VCL: variants seen among roughly 807,000 people sequenced by gnomAD.
VCL encodes vinculin, also known as epididymis luminal protein 114.
In VCL, 47 loss-of-function variants were observed where a neutral mutation model predicts 125.7. The ratio of observed to expected loss-of-function variants is 0.37; its 90% CI spans 0.30 to 0.48. The LOEUF (loss-of-function observed/expected upper bound fraction) is 0.48, where lower values mean the gene tolerates loss of function less well. Among genes scored for constraint, VCL ranks in the 20% least tolerant of loss-of-function variants. The pLI, the probability that VCL is intolerant of heterozygous loss-of-function variation, is 0.99. For synonymous variants in VCL, 458 were observed against 514.6 expected (o/e 0.89, Z 1.49); for missense variants, 1,069 against 1,455.5 (o/e 0.73, Z 4.32).
intron 1 of VCL, among the ~76,000 whole-genome samples, chr10:74,032,102 G>T (rs1165437598): frequency 6.8e-6 from 1 of 147,334 alleles, no homozygotes; most frequent in African/African-American, 2.5e-5. Context: ...AGCCGGGTGT[G>T]GTTGTATACA....
intron 21 of VCL, among the ~76,000 whole-genome samples, chr10:74,115,684 G>C (rs1840301587): frequency 6.6e-6 from 1 of 152,240 alleles, no homozygotes; most frequent in South Asian, 2.1e-4. Flanking sequence ...AGGATGAATA[G>C]TGCAGGCTTT....
chr10:74,046,587 C>G (rs1841200282), intron 2 of VCL, among the ~76,000 whole-genome samples: 1 of 152,208 alleles, frequency 6.6e-6, no homozygotes, highest in African/African-American at 2.4e-5. Flanking sequence ...GTCAACTAAA[C>G]ATATTATAAT....
chr10:74,072,210 T>C (rs1841671958), intron 4 of VCL, among the ~76,000 whole-genome samples: 1 of 152,218 alleles, frequency 6.6e-6, no homozygotes, highest in Admixed American at 6.5e-5. Context: ...TTTTATAATA[T>C]TTCTATTTGT....
downstream of VCL, chr10:74,120,470 CACT>C (rs1224974874): frequency 6.6e-6 from 1 of 152,188 alleles, no homozygotes; most frequent in Non-Finnish European, 1.5e-5. Context: ...TGGAGACCAC[CACT>C]GTTCCCCGAA....
At chr10:74,062,328 G>C (rs145441998) in intron 2 of VCL, among the ~76,000 whole-genome samples, 96 of 149,502 alleles carry the variant, frequency 6.4e-4, no homozygotes, top group African/African-American at 2.3e-3. Flanking sequence ...GCCTCCCAAA[G>C]TGCTAGGATT....
intron 15 of VCL, chr10:74,104,822 C>T (rs887602260): frequency 1.6e-5 from 9 of 569,312 alleles, no homozygotes; most frequent in African/African-American, 1.9e-5. Flanking sequence ...CTGGCAACCA[C>T]GGTTGGTATA....
intron 6 of VCL, among the ~76,000 whole-genome samples, chr10:74,082,086 C>G (rs1193345723): frequency 6.6e-6 from 1 of 152,142 alleles, no homozygotes; most frequent in African/African-American, 2.4e-5. Flanking sequence ...TTTGGCAAGG[C>G]TGCAGTAGAT....
intron 14 of VCL, among the ~76,000 whole-genome samples, chr10:74,101,511 T>C (rs1298130076): frequency 6.6e-6 from 1 of 151,656 alleles, no homozygotes; most frequent in Admixed American, 6.6e-5. Context: ...TTCATAACAT[T>C]TGAATTTTTT....
intron 8 of VCL, among the ~76,000 whole-genome samples, chr10:74,088,272 T>G (rs1361878686): frequency 6.6e-6 from 1 of 152,154 alleles, no homozygotes; most frequent in Non-Finnish European, 1.5e-5. Flanking sequence ...ATAGGGAAAG[T>G]AAATAGAGAA....
At position 74,066,497 on chromosome 10, in the gene VCL, T is replaced by C. The variant is rs570881400; in HGVS notation, c.240-4173T>C. Among the ~76,000 whole-genome samples the C allele has an allele frequency of 9.9e-5, 15 of 152,206 alleles. No homozygotes were observed. The East Asian group carries it at 1.2e-3, about 12-fold the overall frequency. ...GTATGATTCCGCTTAAGTTCCAATA[T>C]AGGCAGAACTCAACAAAAAATTGCT... On this transcript the variant is annotated intron_variant, in intron 2 of 21. Coordinates refer to ENST00000211998, the MANE Select transcript of VCL (RefSeq NM_014000.3).
downstream of VCL, chr10:74,120,929 C>A (rs75145986): frequency 6.6e-6 from 1 of 152,270 alleles, no homozygotes; most frequent in East Asian, 1.9e-4. Flanking sequence ...TCCTCTTCTT[C>A]CTTAAAGAAA....
At chr10:74,089,409 A>G in intron 9 of VCL, 60 bp downstream of exon 9, 3 of 1,603,708 alleles carry the variant, frequency 1.9e-6, no homozygotes, top group Non-Finnish European at 2.5e-6. Context: ...TAAGTCATAA[A>G]TATCCTATCT....
At chr10:74,083,960 G>A (rs560594160) in intron 8 of VCL, among the ~76,000 whole-genome samples, 2 of 151,742 alleles carry the variant, frequency 1.3e-5, no homozygotes, top group East Asian at 1.9e-4. Context: ...CTCCAGCTCC[G>A]TGGTTCAAGC....
chr10:74,101,625 G>A (rs1474814612), intron 14 of VCL, among the ~76,000 whole-genome samples: 2 of 131,994 alleles, frequency 1.5e-5, no homozygotes, highest in African/African-American at 3.1e-5. Flanking sequence ...GCGCAATCTC[G>A]GCTCACTGCA....
In VCL at chr10:74,094,296, C is replaced by T. The variant is rs1335966343; in HGVS notation, c.1378C>T (p.Arg460Ter). ...GGGGAAAGGAGATTCTCCAGAGGCTCGAGCCTTGGCCAAACAGGTGGCCAC... is the reference window on the plus strand; with the variant it reads ...GGGGAAAGGAGATTCTCCAGAGGCTTGAGCCTTGGCCAAACAGGTGGCCAC... ...RQGKGDSPEA[R>*]ALAKQVATAL... Residue 460 changes from arginine (R) to a stop codon, truncating the protein, a stop_gained, in exon 11 of 22, where the codon CGA (arginine) becomes TGA (stop). Transcript: ENST00000211998. LOFTEE classifies it high-confidence loss of function. The T allele has an allele frequency of 2.5e-6, 4 of 1,614,116 alleles. No homozygotes were observed. The highest frequency in any genetic ancestry group is 1.1e-5 in the South Asian group (1 of 91,072).
intron 19 of VCL, 138 bp downstream of exon 19, chr10:74,112,250 T>C: frequency 9.1e-7 from 1 of 1,101,822 alleles, no homozygotes; most frequent in Non-Finnish European, 1.3e-6. Context: ...TGCACCATGT[T>C]GTTAGGACTG....
At chr10:74,073,866 T>A (rs1000312250) in intron 5 of VCL, among the ~76,000 whole-genome samples, 18 of 152,334 alleles carry the variant, frequency 1.2e-4, no homozygotes, top group Admixed American at 8.5e-4. Flanking sequence ...TGGTGACTCA[T>A]GTCATTGTGA....
At chr10:74,026,962 G>A (rs762788288) in intron 1 of VCL, among the ~76,000 whole-genome samples, 6 of 152,156 alleles carry the variant, frequency 3.9e-5, no homozygotes, top group Non-Finnish European at 5.9e-5. Context: ...AATGTTACAT[G>A]GTTACATGCC....
chr10:74,082,401 C>G (rs1215412734), intron 6 of VCL, 53 bp from the exon 7 acceptor site: 1 of 1,588,538 alleles, frequency 6.3e-7, no homozygotes, highest in East Asian at 2.2e-5. Flanking sequence ...TACGTTCTAT[C>G]ATGGTATCTC....
Sources: allele counts gnomAD v4.1 joint callset (sites outside exome capture counted in the v4.1 genomes callset), GRCh38; gene constraint gnomAD v4.1.1; transcripts MANE v1.5; gene names NCBI Gene and HGNC (gene_info 2026-07-23, HGNC 2026-07-21).